GATM: variants seen among roughly 807,000 people sequenced by gnomAD.
The protein encoded by GATM is glycine amidinotransferase, mitochondrial.
Under a neutral mutation model 54.2 loss-of-function variants are expected in GATM, and 23 were observed. The ratio of observed to expected loss-of-function variants is 0.42; its 90% confidence interval spans 0.31 to 0.60. GATM has a LOEUF of 0.60. Among genes scored for constraint, GATM ranks in the 20% least tolerant of loss-of-function variants. The probability of loss-of-function intolerance (pLI) is 0.14; values close to 1 mark genes in which losing one functional copy is unlikely to be tolerated. For missense variants in GATM, 401 were observed against 544.9 expected (o/e 0.74, Z 2.63); for synonymous variants, 168 against 183.1 (o/e 0.92, Z 0.67).
intron 2 of GATM, among the ~76,000 whole-genome samples, chr15:45,370,946 T>C (rs529553485): frequency 6.6e-6 from 1 of 152,292 alleles, no homozygotes; most frequent in Non-Finnish European, 1.5e-5. Context: ...GCTAATTTTT[T>C]GTATTTTTAG....
chr15:45,391,741 T>TA (rs1889875740), intron 3 of GATM, among the ~76,000 whole-genome samples: 1 of 152,244 alleles, frequency 6.6e-6, no homozygotes, highest in Non-Finnish European at 1.5e-5. Context: ...ATATTAGAGT[T>TA]GGTGTTAGGC....
intron 3 of GATM, among the ~76,000 whole-genome samples, chr15:45,389,441 T>G (rs1205851606): frequency 1.3e-5 from 2 of 152,148 alleles, no homozygotes; most frequent in African/African-American, 4.8e-5. Context: ...TTTGCAGGGT[T>G]TTTTGTTTTG....
chr15:45,378,769 C>A, upstream of GATM: 1 of 312,558 alleles, frequency 3.2e-6, no homozygotes, highest in Non-Finnish European at 5.8e-6. Context: ...CGGACCCAGA[C>A]CCGAGCGTCG....
At chr15:45,378,559 G>A, upstream of GATM, 2 of 838,522 alleles carry the variant, frequency 2.4e-6, no homozygotes, top group Non-Finnish European at 3.3e-6. Context: ...GGGCGCGCGG[G>A]GCCCGAGGCC....
rs1472411493 is a variant in GATM at position 45,368,071 on chromosome 15, T to C, written c.674A>G (p.Gln225Arg). ...KPTMADELYN[Q>R]DYPIHSVEDR... ...GCTAGCCTATAATTAGGGACTCACC[T>C]GGTTATAAAGCTCATCAGCCATTGT... The change falls in exon 4 of 9, where the codon CAG becomes CGG. Residue 225 changes from glutamine (Q) to arginine (R), a missense_variant and splice_region_variant. Gln to Arg is a conservative substitution (Grantham distance 43). Transcript: ENST00000396659. The surrounding 1 kb of genome is among the most constrained non-coding windows in gnomAD (Gnocchi z 5.1). 6 of 1,613,878 alleles carry C rather than the reference T, an allele frequency of 3.7e-6. No homozygotes were observed. Among genetic ancestry groups the C allele is most frequent in the South Asian group, 1.1e-5 (1 of 91,064 alleles).
rs1595486646 is a variant in GATM at position 45,378,400 on chromosome 15, G to A, written c.54C>T (p.His18=). 1 of 1,511,298 alleles carries A rather than the reference G, an allele frequency of 6.6e-7. No homozygotes were observed. Among genetic ancestry groups the A allele is most frequent in the East Asian group, 2.6e-5 (1 of 37,772 alleles). The allele number at this position is 1,511,298 out of a possible 1,614,324, so 93.6% of individuals were successfully genotyped here. ...RGGSRGAEAV[H]YIGSRLGRTL... ...GCGCACGCACCCGAGATCCGATGTA[G>A]TGCACCGCCTCGGCGCCGCGGCTCC... Residue 18 remains histidine (H), a synonymous_variant, in exon 1 of 9, where the codon CAC becomes CAT. Transcript: ENST00000396659.
At chr15:45,364,383 A>T in intron 7 of GATM, 1 of 298,714 alleles carries the variant, frequency 3.3e-6, no homozygotes, top group Non-Finnish European at 6.3e-6. Flanking sequence ...AAAAAAAAAT[A>T]ACTTGCTGGG....
upstream of GATM, among the ~76,000 whole-genome samples, chr15:45,382,313 G>A (rs1446256108): frequency 6.6e-6 from 1 of 152,150 alleles, no homozygotes; most frequent in Non-Finnish European, 1.5e-5. Context: ...TACCCTGCAG[G>A]CTGAGCACAA....
At chr15:45,362,362 T>C (rs1343110501) in intron 8 of GATM, 141 bp from the exon 9 acceptor site, 1 of 671,972 alleles carries the variant, frequency 1.5e-6, no homozygotes. Context: ...TCTCTTCCAA[T>C]TTTATTTTCA....
intron 3 of GATM, among the ~76,000 whole-genome samples, chr15:45,396,425 T>C (rs1595491107): frequency 1.3e-5 from 2 of 152,234 alleles, no homozygotes; most frequent in East Asian, 3.9e-4. Flanking sequence ...AGGGAGAGAT[T>C]GGAGGGATGG....
At chr15:45,397,421 C>A (rs570154312) in intron 2 of GATM, 2 of 152,198 alleles carry the variant, frequency 1.3e-5, no homozygotes, top group African/African-American at 4.8e-5. Context: ...AATAATTGAT[C>A]ATGCCTACGT....
intron 3 of GATM, among the ~76,000 whole-genome samples, chr15:45,385,461 T>A (rs867544867): frequency 6.6e-6 from 1 of 152,222 alleles, no homozygotes; most frequent in Non-Finnish European, 1.5e-5. Flanking sequence ...GATGAATAAA[T>A]ACATTTTTCT....
intron 3 of GATM, among the ~76,000 whole-genome samples, chr15:45,385,678 A>C (rs903664167): frequency 6.6e-6 from 1 of 152,206 alleles, no homozygotes; most frequent in African/African-American, 2.4e-5. Flanking sequence ...AGAAAAAGGA[A>C]GCTGACCTGT....
At chr15:45,385,700 T>A (rs776356811) in intron 3 of GATM, among the ~76,000 whole-genome samples, 12 of 152,212 alleles carry the variant, frequency 7.9e-5, no homozygotes, top group Non-Finnish European at 1.5e-4. Context: ...TCTCTGTATA[T>A]AGTAAGCAAT....
At position 45,368,067 on chromosome 15, in the gene GATM, C is replaced by G. The variant is rs1049378713; in HGVS notation, c.675+3G>C. On this transcript the variant is annotated splice_donor_region_variant and intron_variant, in intron 4 of 8. Transcript: ENST00000396659. This position sits in a 1 kb window ranked among gnomAD's most constrained non-coding sequence, Gnocchi z 5.1. ...ATAAGCTAGCCTATAATTAGGGACT[C>G]ACCTGGTTATAAAGCTCATCAGCCA... 1.2e-6 allele frequency: 2 copies of G among 1,613,682 alleles called. No individual in the cohort carries two copies. The highest frequency in any genetic ancestry group is 8.5e-7 in the Non-Finnish European group (1 of 1,179,722).
chr15:45,364,481 G>C (rs1445034417), intron 7 of GATM: 3 of 328,074 alleles, frequency 9.1e-6, no homozygotes, highest in African/African-American at 6.1e-5. Context: ...GCTGCAGTGA[G>C]CTGTGACTGC....
At chr15:45,389,385 C>A (rs931321489) in intron 3 of GATM, among the ~76,000 whole-genome samples, 1 of 152,198 alleles carries the variant, frequency 6.6e-6, no homozygotes, top group African/African-American at 2.4e-5. Flanking sequence ...AACTATCCAA[C>A]AAAATTAATG....
chr15:45,382,771 C>T (rs1156963588), upstream of GATM, among the ~76,000 whole-genome samples: 1 of 152,086 alleles, frequency 6.6e-6, no homozygotes, highest in African/African-American at 2.4e-5. Flanking sequence ...CCAGCCTGGG[C>T]AACAGGAGAG....
At chr15:45,392,618 T>G (rs12439575) in intron 3 of GATM, among the ~76,000 whole-genome samples, 48,693 of 152,104 alleles carry the variant, frequency 0.32, 8,907 homozygotes, top group East Asian at 0.83. Flanking sequence ...TGGGTTTTTT[T>G]ATGTATCACC....
Sources: allele counts gnomAD v4.1 joint callset (sites outside exome capture counted in the v4.1 genomes callset), GRCh38; gene constraint gnomAD v4.1.1; non-coding constraint Gnocchi (gnomAD v3.1); transcripts MANE v1.5; gene names NCBI Gene and HGNC (gene_info 2026-07-23, HGNC 2026-07-21).